The following PDE7B variants were observed in gnomAD, a reference collection of about 807,000 sequenced individuals.
The protein encoded by PDE7B is 3',5'-cyclic-AMP phosphodiesterase 7B.
In PDE7B, 29 loss-of-function variants were observed where a neutral mutation model predicts 56.2. That is an observed-to-expected ratio of 0.52 (90% confidence interval 0.38 to 0.70). The LOEUF is 0.70. Among genes scored for constraint, PDE7B ranks in the 30% least tolerant of loss-of-function variants. PDE7B has a pLI of 0.00. For missense variants in PDE7B, 490 were observed against 565.0 expected (o/e 0.87, Z 1.35); for synonymous variants, 197 against 196.9 (o/e 1.00, Z 0.00).
chr6:136,184,642 G>A (rs1779117222), intron 11 of PDE7B, among the ~76,000 whole-genome samples: 1 of 152,160 alleles, frequency 6.6e-6, no homozygotes, highest in Non-Finnish European at 1.5e-5. Flanking sequence ...CAGTCTCATA[G>A]AAGATAAGAA....
At chr6:135,914,411 A>T (rs1776261117) in intron 1 of PDE7B, among the ~76,000 whole-genome samples, 3 of 149,664 alleles carry the variant, frequency 2.0e-5, no homozygotes, top group African/African-American at 7.3e-5. Context: ...CTGTCCCTAT[A>T]GATCTGCCTT....
At chr6:135,968,538 G>A (rs570093923) in intron 2 of PDE7B, among the ~76,000 whole-genome samples, 42 of 152,270 alleles carry the variant, frequency 2.8e-4, no homozygotes, top group Middle Eastern at 3.4e-3. Flanking sequence ...ACAAACAAAT[G>A]AAAAATAGCT....
intron 1 of PDE7B, among the ~76,000 whole-genome samples, chr6:135,935,090 AAT>A (rs1774387833): frequency 1.2e-5 from 1 of 86,278 alleles, no homozygotes; most frequent in Non-Finnish European, 2.0e-5. Flanking sequence ...ATAAATATAT[AAT>A]ATATATTTCT....
intron 2 of PDE7B, among the ~76,000 whole-genome samples, chr6:135,953,802 C>G (rs551088651): frequency 6.6e-6 from 1 of 152,218 alleles, no homozygotes; most frequent in South Asian, 2.1e-4. Flanking sequence ...GATTATTTTG[C>G]GTGCACTTGA....
chr6:135,877,248 CT>C (rs1318510396), intron 1 of PDE7B, among the ~76,000 whole-genome samples: 4 of 150,956 alleles, frequency 2.6e-5, no homozygotes, highest in African/African-American at 9.7e-5. Flanking sequence ...GATTTCCTTT[CT>C]TTTTTATTTT....
intron 2 of PDE7B, among the ~76,000 whole-genome samples, chr6:136,023,470 C>A (rs773418898): frequency 6.6e-6 from 1 of 152,174 alleles, no homozygotes; most frequent in Non-Finnish European, 1.5e-5. Context: ...GTCCCCAGTC[C>A]CATATCACAT....
intron 3 of PDE7B, among the ~76,000 whole-genome samples, chr6:136,139,008 G>A (rs1300842639): frequency 1.3e-5 from 2 of 152,104 alleles, no homozygotes; most frequent in African/African-American, 4.8e-5. Flanking sequence ...TAGGGTACAT[G>A]TGCACGATGT....
chr6:135,958,683 CATT>C (rs1774843630), intron 2 of PDE7B, among the ~76,000 whole-genome samples: 1 of 152,104 alleles, frequency 6.6e-6, no homozygotes, highest in Admixed American at 6.5e-5. Flanking sequence ...TACTTGTTCT[CATT>C]ATATCAATTG....
intron 3 of PDE7B, among the ~76,000 whole-genome samples, chr6:136,140,448 A>G (rs1426723609): frequency 6.6e-6 from 1 of 152,196 alleles, no homozygotes; most frequent in Admixed American, 6.5e-5. Context: ...TGACTTGGTA[A>G]TGCAGGCTCT....
At chr6:135,991,782 A>G (rs1022712413) in intron 2 of PDE7B, among the ~76,000 whole-genome samples, 2 of 152,362 alleles carry the variant, frequency 1.3e-5, no homozygotes, top group Non-Finnish European at 2.9e-5. Flanking sequence ...AGAGAGCTGC[A>G]GAGAGAAAAA....
chr6:136,151,310 T>C lies in PDE7B; in HGVS notation c.478+55T>C, dbSNP rs1778509980. 2.0e-5 allele frequency: 17 copies of C among 831,082 alleles called. 1 individual carries two copies. The South Asian group carries it at 2.3e-4, about 11-fold the overall frequency. The allele number at this position is 831,082 out of a possible 1,614,324, so 51.5% of individuals were successfully genotyped here. On this transcript the variant is annotated intron_variant, in intron 6 of 12. Transcript: ENST00000308191. ...CATTCTCTTGAATAATGGCAATGCA[T>C]AATACTCTTTAATATAAAGTGGTAA...
chr6:136,066,514 T>C (rs1776939099), intron 2 of PDE7B, among the ~76,000 whole-genome samples: 1 of 152,224 alleles, frequency 6.6e-6, no homozygotes. Context: ...TTGAATAAGT[T>C]AATGAAATAG....
chr6:135,878,658 A>G (rs1054914792), intron 1 of PDE7B, among the ~76,000 whole-genome samples: 1 of 152,130 alleles, frequency 6.6e-6, no homozygotes, highest in Non-Finnish European at 1.5e-5. Flanking sequence ...ACTTTAACTG[A>G]TATTTGTGAA....
At chr6:136,062,308 C>A (rs1335962135) in intron 2 of PDE7B, among the ~76,000 whole-genome samples, 2 of 152,104 alleles carry the variant, frequency 1.3e-5, no homozygotes, top group African/African-American at 4.8e-5. Flanking sequence ...ATAATTACCA[C>A]AATGAAGCTA....
At chr6:135,859,470 A>G (rs1475860582) in intron 1 of PDE7B, among the ~76,000 whole-genome samples, 1 of 152,158 alleles carries the variant, frequency 6.6e-6, no homozygotes, top group Admixed American at 6.5e-5. Flanking sequence ...AAAATAATAC[A>G]AAAGGAATAA....
intron 3 of PDE7B, among the ~76,000 whole-genome samples, chr6:136,127,509 T>G (rs1778043405): frequency 6.6e-6 from 1 of 152,226 alleles, no homozygotes; most frequent in East Asian, 1.9e-4. Context: ...ATCAGTAATA[T>G]TCTACTATTA....
chr6:135,866,941 T>A (rs1775272308), intron 1 of PDE7B, among the ~76,000 whole-genome samples: 1 of 152,198 alleles, frequency 6.6e-6, no homozygotes, highest in Non-Finnish European at 1.5e-5. Context: ...TCTTTGGTGT[T>A]CTGTATTTAT....
intron 1 of PDE7B, among the ~76,000 whole-genome samples, chr6:135,937,938 C>A (rs576687917): frequency 1.3e-5 from 2 of 152,174 alleles, no homozygotes; most frequent in Non-Finnish European, 2.9e-5. Flanking sequence ...TTCTTCCTTC[C>A]GCAAAACCAG....
chr6:136,035,301 A>G (rs1776308518), intron 2 of PDE7B: 1 of 152,234 alleles, frequency 6.6e-6, no homozygotes, highest in South Asian at 2.1e-4. Flanking sequence ...ACTATCTGAA[A>G]AACAAAAGAG....
Sources: allele counts gnomAD v4.1 joint callset (sites outside exome capture counted in the v4.1 genomes callset), GRCh38; gene constraint gnomAD v4.1.1; transcripts MANE v1.5; gene names NCBI Gene and HGNC (gene_info 2026-07-23, HGNC 2026-07-21).